Variants in MYOF observed in about 807,000 individuals in gnomAD.
MYOF encodes the protein myoferlin, also known as fer-1-like 3, myoferlin.
Under a neutral mutation model 284.2 loss-of-function variants are expected in MYOF, and 244 were observed. That is an observed-to-expected ratio of 0.86 (90% CI 0.77 to 0.95). The LOEUF (loss-of-function observed/expected upper bound fraction) is 0.95, where lower values mean the gene tolerates loss of function less well. Among genes scored for constraint, MYOF ranks in the 40% least tolerant of loss-of-function variants. The pLI is 0.00. For synonymous variants in MYOF, 904 were observed against 919.7 expected, an observed-to-expected ratio of 0.98 and a Z score of 0.31; for missense variants, 2,496 against 2,560.6, an observed-to-expected ratio of 0.97 and a Z score of 0.54.
chr10:93,404,340 G>T, intron 7 of MYOF, 121 bp from the exon 8 acceptor site: 1 of 1,022,034 alleles, frequency 9.8e-7, no homozygotes, highest in Non-Finnish European at 1.5e-6. Flanking sequence ...AATTAGGTTT[G>T]ACCATGTGAA....
intron 50 of MYOF, among the ~76,000 whole-genome samples, chr10:93,313,989 T>C (rs377256724): frequency 7.2e-5 from 11 of 152,244 alleles, no homozygotes; most frequent in African/African-American, 2.6e-4. Context: ...AAACAGAAGC[T>C]TGAGAAGGAA....
intron 46 of MYOF, chr10:93,323,573 G>A: frequency 3.6e-6 from 2 of 558,646 alleles, no homozygotes; most frequent in South Asian, 5.0e-5. Context: ...CTCACTCAGG[G>A]GTCTCTGACG....
chr10:93,415,658 G>A lies in MYOF; in HGVS notation c.434-5919C>T, dbSNP rs1459466779. 2.0e-5 allele frequency among the ~76,000 whole-genome samples: 3 copies of A among 152,168 alleles called. No individual in the cohort carries two copies. The East Asian group carries it at 5.8e-4, about 29-fold the overall frequency. On this transcript the variant is annotated intron_variant, in intron 5 of 53. Transcript: ENST00000359263. ...CCAAATCAATCATCTACCTGTATCT[G>A]TTGCCTTCTCTCCTGCTACAATTAG...
At chr10:93,452,312 C>A (rs775318565) in intron 2 of MYOF, among the ~76,000 whole-genome samples, 171 bp from the exon 3 acceptor site, 1 of 151,906 alleles carries the variant, frequency 6.6e-6, no homozygotes, top group Non-Finnish European at 1.5e-5. Context: ...GCTGAGGGGG[C>A]AGGAAAGCAA....
intron 4 of MYOF, among the ~76,000 whole-genome samples, chr10:93,426,919 A>C: frequency 8.3e-6 from 1 of 120,198 alleles, no homozygotes; most frequent in African/African-American, 3.2e-5. Flanking sequence ...ACAGAGTCTC[A>C]CTCTGTCGCC....
chr10:93,399,775 G>C (rs1847187577), intron 12 of MYOF, among the ~76,000 whole-genome samples: 1 of 152,226 alleles, frequency 6.6e-6, no homozygotes, highest in African/African-American at 2.4e-5. Context: ...GGGAGGCTGA[G>C]GCAGGAGAAC....
intron 5 of MYOF, among the ~76,000 whole-genome samples, chr10:93,424,929 ATTTTTTTTT>A (rs11376911): frequency 1.9e-4 from 15 of 77,738 alleles, no homozygotes; most frequent in East Asian, 5.3e-4. Flanking sequence ...GGAGAATTCC[ATTTTTTTTT>A]TTTTTTTTTT....
At chr10:93,403,519 G>A (rs983903880) in intron 9 of MYOF, among the ~76,000 whole-genome samples, 1 of 152,198 alleles carries the variant, frequency 6.6e-6, no homozygotes. Context: ...CTAGTGACTG[G>A]TGCTCCTTTC....
intron 24 of MYOF, among the ~76,000 whole-genome samples, chr10:93,372,610 T>C (rs1470289909): frequency 6.6e-6 from 1 of 152,180 alleles, no homozygotes; most frequent in Non-Finnish European, 1.5e-5. Context: ...CAACATTCAC[T>C]AGAATGAAAG....
chr10:93,316,846 CTG>C (rs1303820952), intron 49 of MYOF, 33 bp from the exon 50 acceptor site: 1 of 1,558,298 alleles, frequency 6.4e-7, no homozygotes, highest in Non-Finnish European at 8.8e-7. Flanking sequence ...CATGATGACT[CTG>C]AAACACTCAC....
Position 93,325,754 on chromosome 10 carries a change from G to A in MYOF, c.5271+72C>T, listed in dbSNP as rs113050490. 1.7e-4 allele frequency: 261 copies of A among 1,504,566 alleles called. No homozygotes were observed. The African/African-American group carries it at 2.3e-3, about 13-fold the overall frequency. 93.2% of individuals were successfully genotyped at this position (1,504,566 alleles called of 1,614,324 possible). On this transcript the variant is annotated intron_variant, in intron 46 of 53. Transcript: ENST00000359263. The stretch of plus-strand genomic sequence containing the variant: ...AAAGTATTCAAAGAAGATAAAAGGC[G>A]CAAAAATGTCAACTACTGCCATTGC...
chr10:93,451,683 CAGA>C (rs34329793), intron 3 of MYOF, among the ~76,000 whole-genome samples: 59,773 of 151,858 alleles, frequency 0.39, 13,328 homozygotes, highest in Non-Finnish European at 0.5. Flanking sequence ...CACAAATAAT[CAGA>C]AGAAGTGATT....
intron 37 of MYOF, among the ~76,000 whole-genome samples, chr10:93,346,588 A>C (rs987989044): frequency 1.2e-4 from 19 of 152,394 alleles, no homozygotes; most frequent in African/African-American, 4.6e-4. Flanking sequence ...TATTATGGAA[A>C]TCTAAAGTAA....
chr10:93,395,709 G>A (rs1846971560), intron 16 of MYOF, among the ~76,000 whole-genome samples: 1 of 151,810 alleles, frequency 6.6e-6, no homozygotes, highest in African/African-American at 2.4e-5. Context: ...TGACCTTACT[G>A]TTCCTGCCAA....
intron 3 of MYOF, 88 bp downstream of exon 3, chr10:93,451,962 A>G: frequency 2.1e-6 from 2 of 936,310 alleles, no homozygotes; most frequent in East Asian, 4.8e-5. Context: ...GTATTATAAT[A>G]CGTTATTAAA....
In MYOF at chr10:93,426,140, T is replaced by C; in HGVS notation, c.364A>G (p.Ile122Val). Residue 122 changes from isoleucine (I) to valine (V), a missense_variant, in exon 5 of 54, where the codon ATC (isoleucine) becomes GTC (valine). Physicochemically the swap from Ile to Val is conservative, Grantham distance 29. Around this residue, in one of 3 missense-constraint regions of MYOF, gnomAD observed 2,436 missense variants for 2,480.7 expected, o/e 0.98. Transcript: ENST00000359263. Reference protein sequence around the residue: ...QDTGATIDLVIGYDPPSAPHP... With the variant: ...QDTGATIDLVVGYDPPSAPHP... ...GGAGCAGAAGGCGGATCATAGCCGA[T>C]CACCAAGTCAATGGTGGCCTGGGTA... 1 of 1,559,350 alleles carries C rather than the reference T, an allele frequency of 6.4e-7. No individual in the cohort carries two copies. Among genetic ancestry groups the C allele is most frequent in the Non-Finnish European group, 8.7e-7 (1 of 1,150,692 alleles).
chr10:93,343,907 G>C lies in MYOF; in HGVS notation c.4275C>G (p.Cys1425Trp), dbSNP rs750202274. 6.2e-7 allele frequency: 1 copy of C among 1,614,122 alleles called. No individual in the cohort carries two copies. Residue 1425 changes from cysteine to tryptophan, a missense_variant, in exon 38 of 54, where the codon TGC (cysteine) becomes TGG (tryptophan). Physicochemically the swap from Cys to Trp is radical, Grantham distance 215. This residue lies in a region of MYOF where 2,436 missense variants were observed against 2,480.7 expected (regional missense o/e 0.98). Transcript: ENST00000359263. ...CTTCCATTTCGATAACGATGTCCCG[G>C]CATGGTGGGGCAGACAGAAGGGAGG... ...LKASLLSAPP[C>W]RDIVIEMEDT...
intron 43 of MYOF, 114 bp from the exon 44 acceptor site, chr10:93,329,948 A>G: frequency 1.9e-6 from 2 of 1,077,450 alleles, no homozygotes; most frequent in Non-Finnish European, 2.8e-6. Flanking sequence ...GCTGGAGGAC[A>G]TCTGAGCAGG....
intron 24 of MYOF, 88 bp downstream of exon 24, chr10:93,372,842 T>C (rs996349651): frequency 2.0e-6 from 3 of 1,464,548 alleles, no homozygotes; most frequent in Non-Finnish European, 2.8e-6. Context: ...TACCATTCAA[T>C]GATTTGCAAA....
Sources: allele counts gnomAD v4.1 joint callset (sites outside exome capture counted in the v4.1 genomes callset), GRCh38; gene constraint gnomAD v4.1.1; regional missense constraint gnomAD v4.1.1; transcripts MANE v1.5; gene names NCBI Gene and HGNC (gene_info 2026-07-23, HGNC 2026-07-21).